The following BCOR variants were observed in gnomAD, a reference collection of about 807,000 sequenced individuals.
BCOR encodes BCL-6 corepressor.
BCOR carries 10 observed loss-of-function variants against 86.7 expected under a neutral mutation model. The ratio of observed to expected loss-of-function variants is 0.12; its 90% confidence interval spans 0.07 to 0.20. The LOEUF is 0.20. BCOR is among the 10% of genes least tolerant of loss of function. BCOR has a pLI of 1.00. For missense variants in BCOR, 1,259 were observed against 1,452.1 expected (o/e 0.87, Z 2.16); for synonymous variants, 611 against 609.0 (o/e 1.00, Z -0.05).
intron 12 of BCOR, among the ~76,000 whole-genome samples, chrX:40,054,637 G>T (rs1479448118): frequency 9.0e-6 from 1 of 110,927 alleles, no homozygotes; most frequent in Non-Finnish European, 1.9e-5. Context: ...TCCCAAGCTG[G>T]GACTAGAGGC....
At chrX:40,066,404 C>T (rs183246742) in intron 6 of BCOR, among the ~76,000 whole-genome samples, 8 of 111,561 alleles carry the variant, frequency 7.2e-5, no homozygotes, top group East Asian at 2.8e-4. Flanking sequence ...GCAGTAACAG[C>T]GCCACTTTAC....
rs1053678436 is a variant in BCOR, at chrX:40,138,880, T to C, written c.-41+38127A>G. On this transcript the variant is annotated intron_variant, in intron 1 of 14. Coordinates refer to the BCOR transcript ENST00000342274. ...CAGGCACTATTTTACATGCTTTATG[T>C]CCATCAACTAATCCTCCCAACATCA... Among the ~76,000 whole-genome samples, 4 of 111,036 alleles carry C rather than the reference T, an allele frequency of 3.6e-5. No homozygotes were observed. In the East Asian group the frequency reaches 8.5e-4, roughly 23 times the overall value.
chrX:40,067,771 C>G (rs925453283), intron 6 of BCOR, among the ~76,000 whole-genome samples: 1 of 111,821 alleles, frequency 8.9e-6, no homozygotes, highest in Non-Finnish European at 1.9e-5. Flanking sequence ...CCAAAGAACA[C>G]CCACCTTGAC....
chrX:40,153,891 T>C (rs927763043), intron 1 of BCOR, among the ~76,000 whole-genome samples: 2 of 103,626 alleles, frequency 1.9e-5, no homozygotes, highest in Non-Finnish European at 4.0e-5. Flanking sequence ...GCTGGCCTCG[T>C]GGCGGGAGGC....
intron 1 of BCOR, among the ~76,000 whole-genome samples, chrX:40,104,221 C>A (rs1008300061): frequency 9.0e-6 from 1 of 111,691 alleles, no homozygotes; most frequent in Non-Finnish European, 1.9e-5. Flanking sequence ...GCACTCAGTG[C>A]CTTCAAACTA....
chrX:40,154,454 T>C (rs961920144), intron 1 of BCOR, among the ~76,000 whole-genome samples: 11 of 109,804 alleles, frequency 1.0e-4, no homozygotes, highest in Admixed American at 9.5e-4. Flanking sequence ...CCTTTCCCTC[T>C]CTTTAAATAG....
chrX:40,152,559 G>T (rs1049826416), intron 1 of BCOR, among the ~76,000 whole-genome samples: 1 of 112,957 alleles, frequency 8.9e-6, no homozygotes, highest in South Asian at 3.6e-4. Context: ...CGCCCTCCCC[G>T]CCCGGGCTGG....
At chrX:40,104,387 C>T (rs1331499423) in intron 1 of BCOR, among the ~76,000 whole-genome samples, 2 of 112,138 alleles carry the variant, frequency 1.8e-5, no homozygotes, top group East Asian at 5.6e-4. Flanking sequence ...CCAGCCGAAC[C>T]GGACCCTCGG....
chrX:40,061,987 T>C (rs1934896552), intron 10 of BCOR, 152 bp downstream of exon 10: 2 of 700,353 alleles, frequency 2.9e-6, no homozygotes, highest in Non-Finnish European at 2.1e-6. Context: ...GCAGTGAGAG[T>C]GGGGCTAACA....
intron 1 of BCOR, among the ~76,000 whole-genome samples, chrX:40,156,356 C>A (rs951051972): frequency 1.9e-4 from 20 of 107,919 alleles, no homozygotes; most frequent in African/African-American, 6.7e-4. Context: ...CTGGCCCGCG[C>A]GGCCGGGTTT....
At chrX:40,076,718 G>A (rs1426092890) in intron 2 of BCOR, among the ~76,000 whole-genome samples, 186 bp from the exon 3 acceptor site, 1 of 112,313 alleles carries the variant, frequency 8.9e-6, no homozygotes, top group African/African-American at 3.2e-5. Context: ...ACTTGACCAG[G>A]AAAAACAAAG....
chrX:40,073,035 T>C lies in BCOR; in HGVS notation c.2311A>G (p.Ser771Gly), dbSNP rs755710383. Residue 771 changes from serine (S) to glycine (G), a missense_variant, in exon 4 of 15, where the codon AGC (serine) becomes GGC (glycine). Around this residue, in one of 7 missense-constraint regions of BCOR, gnomAD observed 534 missense variants for 594.8 expected, o/e 0.90. Coordinates refer to ENST00000378444, the MANE Select transcript of BCOR (RefSeq NM_001123385.2). ...ACATCTGGATGTAACTTGGTGCTGC[T>C]AGTTTCCAAAATCTCGGAAAACCGA... ...RNRFSEILET[S>G]STKLHPDVPT... is the part of the protein sequence containing the mutation. 2 of 1,212,314 alleles carry C rather than the reference T, an allele frequency of 1.6e-6. No homozygotes were observed. The highest frequency in any genetic ancestry group is 3.5e-5 in the South Asian group (2 of 57,009).
intron 1 of BCOR, among the ~76,000 whole-genome samples, chrX:40,109,961 C>T (rs1047745846): frequency 1.8e-5 from 2 of 112,418 alleles, no homozygotes; most frequent in African/African-American, 6.4e-5. Flanking sequence ...CATGGGAAAG[C>T]TGGAGGGCGG....
rs756147322 is a variant in BCOR, at chrX:40,149,644, G to A, written c.-41+27363C>T. Among the ~76,000 whole-genome samples, 42 of 111,372 alleles carry A rather than the reference G, an allele frequency of 3.8e-4. 1 individual carries two copies. The South Asian group carries it at 4.5e-3, about 12-fold the overall frequency. ...CAAGCAGGGTACCAGCCAGGTGCGC[G>A]GAGTTGCTTTTTTTCCTTGTTATTT... On this transcript the variant is annotated intron_variant, in intron 1 of 14. Coordinates refer to the BCOR transcript ENST00000342274.
rs1935029528 is a variant in BCOR, at chrX:40,063,742, G to C, written c.3713C>G (p.Thr1238Ser). The change falls in exon 8 of 15, where the codon ACC becomes AGC. Residue 1238 changes from threonine to serine, a missense_variant. This residue lies in a region of BCOR where 305 missense variants were observed against 286.1 expected (regional missense o/e 1.07). Coordinates refer to ENST00000378444, the MANE Select transcript of BCOR (RefSeq NM_001123385.2). ...AATGGCCTCAGGCTGAGTGGCCTGG[G>C]TCACTTCCTTCCTGCTTTGCCGGCC... ...KPGRQSRKEV[T>S]QATQPEAIPQ... 1 of 1,210,272 alleles carries C rather than the reference G, an allele frequency of 8.3e-7. No individual in the cohort carries two copies. Among genetic ancestry groups the C allele is most frequent in the African/African-American group, 1.7e-5 (1 of 57,174 alleles).
Position 40,064,617 on chromosome X carries a change from A to G in BCOR, c.3239-18T>C, listed in dbSNP as rs1259868304. The G allele has an allele frequency of 8.3e-7, 1 of 1,211,450 alleles. No individual in the cohort carries two copies. The highest frequency in any genetic ancestry group is 1.1e-6 in the Non-Finnish European group (1 of 895,059). Reference sequence around the variant, plus strand: ...ATACTCGCCTGGGGGAGGGGAGACAAGAGGGCATTAATGAAGCCCGAAGGT... The same window carrying G: ...ATACTCGCCTGGGGGAGGGGAGACAGGAGGGCATTAATGAAGCCCGAAGGT... On this transcript the variant is annotated intron_variant, in intron 6 of 14. Coordinates refer to ENST00000378444, the MANE Select transcript of BCOR (RefSeq NM_001123385.2).
chrX:40,154,233 G>A (rs1192396434), intron 1 of BCOR, among the ~76,000 whole-genome samples: 44 of 110,890 alleles, frequency 4.0e-4, no homozygotes, highest in African/African-American at 1.3e-3. Context: ...CGCCTGGCCT[G>A]CCCGCCCCTC....
intron 1 of BCOR, among the ~76,000 whole-genome samples, chrX:40,085,429 T>C (rs1433331070): frequency 9.0e-6 from 1 of 111,447 alleles, no homozygotes; most frequent in Non-Finnish European, 1.9e-5. Context: ...GCAACATTCC[T>C]ACAGAAAATG....
chrX:40,064,252 G>A (rs1935069285), intron 7 of BCOR, 84 bp downstream of exon 7: 4 of 1,173,420 alleles, frequency 3.4e-6, no homozygotes, highest in South Asian at 1.8e-5. Flanking sequence ...GCAGCGCGCC[G>A]CACATCCACA....
Sources: allele counts gnomAD v4.1 joint callset (sites outside exome capture counted in the v4.1 genomes callset), GRCh38; gene constraint gnomAD v4.1.1; regional missense constraint gnomAD v4.1.1; transcripts MANE v1.5; gene names NCBI Gene and HGNC (gene_info 2026-07-23, HGNC 2026-07-21).